Variants in BTBD9 observed in about 807,000 individuals in gnomAD.
The protein encoded by BTBD9 is BTB/POZ domain-containing protein 9.
Under a neutral mutation model 64.3 loss-of-function variants are expected in BTBD9, and 49 were observed. The observed-to-expected ratio is 0.76, with a 90% CI of 0.61 to 0.97. BTBD9 has a LOEUF of 0.97. BTBD9 is among the 50% of genes least tolerant of loss of function. BTBD9 has a pLI of 0.00. For synonymous variants in BTBD9, 260 were observed against 274.7 expected, an observed-to-expected ratio of 0.95 and a Z score of 0.53; for missense variants, 598 against 762.1, an observed-to-expected ratio of 0.78 and a Z score of 2.53.
At position 38,471,813 on chromosome 6, in the gene BTBD9, T is replaced by G. The variant is rs1419516810; in HGVS notation, c.1154+105787A>C. On this transcript the variant is annotated intron_variant, in intron 6 of 10. Transcript: ENST00000481247. ...ACTAAAATGTCATTACTTGGAATTATGTCTCTTCATTACCAAAAAGAAGAT... is the reference window on the plus strand; with the variant it reads ...ACTAAAATGTCATTACTTGGAATTAGGTCTCTTCATTACCAAAAAGAAGAT... Among the ~76,000 whole-genome samples the G allele has an allele frequency of 2.0e-5, 3 of 152,374 alleles. No individual in the cohort carries two copies. In the East Asian group the frequency reaches 5.8e-4, roughly 29 times the overall value.
intron 7 of BTBD9, among the ~76,000 whole-genome samples, chr6:38,314,918 C>G (rs1317596599): frequency 6.6e-6 from 1 of 152,138 alleles, no homozygotes; most frequent in African/African-American, 2.4e-5. Flanking sequence ...GGCGGGATCT[C>G]GGCTCACTGC....
At chr6:38,209,393 G>A (rs1021923483) in intron 9 of BTBD9, among the ~76,000 whole-genome samples, 6 of 152,216 alleles carry the variant, frequency 3.9e-5, no homozygotes, top group Admixed American at 3.9e-4. Flanking sequence ...TCCTTATACT[G>A]TTTTGTTCTT....
intron 6 of BTBD9, among the ~76,000 whole-genome samples, chr6:38,519,452 TGATA>T (rs1427103352): frequency 6.6e-6 from 1 of 152,228 alleles, no homozygotes; most frequent in Non-Finnish European, 1.5e-5. Flanking sequence ...GAAGACAGGC[TGATA>T]GATATGTGAC....
chr6:38,305,274 A>G (rs974651919), intron 7 of BTBD9, among the ~76,000 whole-genome samples: 4 of 152,188 alleles, frequency 2.6e-5, no homozygotes, highest in African/African-American at 7.2e-5. Context: ...AAATATGCCC[A>G]TGGTAGAAGA....
chr6:38,259,069 A>G (rs1582126787), intron 8 of BTBD9, among the ~76,000 whole-genome samples: 2 of 152,328 alleles, frequency 1.3e-5, no homozygotes, highest in East Asian at 3.9e-4. Context: ...TGAAAGTGTG[A>G]GGATTAAAGC....
At chr6:38,462,479 G>A (rs970513875) in intron 6 of BTBD9, among the ~76,000 whole-genome samples, 5 of 152,132 alleles carry the variant, frequency 3.3e-5, no homozygotes, top group Non-Finnish European at 5.9e-5. Flanking sequence ...TCTACCTCTA[G>A]GTTCTCTATT....
At chr6:38,227,569 T>C (rs951969256) in intron 9 of BTBD9, among the ~76,000 whole-genome samples, 3 of 152,310 alleles carry the variant, frequency 2.0e-5, no homozygotes, top group Non-Finnish European at 4.4e-5. Context: ...CAGGGCTGGC[T>C]GGCCACAGTG....
At chr6:38,622,242 A>G (rs1778010120) in intron 1 of BTBD9, among the ~76,000 whole-genome samples, 1 of 152,194 alleles carries the variant, frequency 6.6e-6, no homozygotes, top group Non-Finnish European at 1.5e-5. Context: ...TATCCCGGGG[A>G]GCACTGGCAG....
chr6:38,317,564 A>G (rs1763071288), intron 7 of BTBD9, among the ~76,000 whole-genome samples: 1 of 151,998 alleles, frequency 6.6e-6, no homozygotes, highest in Non-Finnish European at 1.5e-5. Context: ...GAAGTTCTCT[A>G]TTATCTCTTT....
chr6:38,351,891 C>T (rs894402552), intron 6 of BTBD9, among the ~76,000 whole-genome samples: 3 of 151,968 alleles, frequency 2.0e-5, no homozygotes, highest in Non-Finnish European at 2.9e-5. Context: ...CCATGATGTG[C>T]CTGATGTGCC....
chr6:38,631,429 G>C (rs1445465704), intron 1 of BTBD9, among the ~76,000 whole-genome samples: 1 of 152,176 alleles, frequency 6.6e-6, no homozygotes, highest in Non-Finnish European at 1.5e-5. Context: ...CCTGAGTATG[G>C]GCTAGACTTA....
chr6:38,453,279 A>T (rs1215457724), intron 6 of BTBD9, among the ~76,000 whole-genome samples: 1 of 152,138 alleles, frequency 6.6e-6, no homozygotes, highest in East Asian at 1.9e-4. Flanking sequence ...CAGCTATTAT[A>T]TGGGTTTCAT....
intron 7 of BTBD9, among the ~76,000 whole-genome samples, chr6:38,299,762 T>C (rs1762313748): frequency 6.6e-6 from 1 of 152,226 alleles, no homozygotes; most frequent in Non-Finnish European, 1.5e-5. Context: ...TATTAGTCCT[T>C]TGTCAGATGA....
intron 10 of BTBD9, among the ~76,000 whole-genome samples, chr6:38,178,649 G>A (rs376631976): frequency 5.3e-5 from 8 of 151,832 alleles, no homozygotes; most frequent in Non-Finnish European, 1.0e-4. Context: ...GATGGAGGAG[G>A]GGGGGACTTG....
intron 9 of BTBD9, among the ~76,000 whole-genome samples, chr6:38,253,351 A>C (rs1407088533): frequency 2.6e-5 from 4 of 152,200 alleles, no homozygotes. Context: ...GAGAAGAGTG[A>C]AGAACTTCCA....
At chr6:38,179,772 G>A in intron 10 of BTBD9, 1 of 456,768 alleles carries the variant, frequency 2.2e-6, no homozygotes, top group South Asian at 1.5e-5. Flanking sequence ...CACGGGATCA[G>A]TAATATTTCA....
At chr6:38,462,840 C>T (rs1325253378) in intron 6 of BTBD9, among the ~76,000 whole-genome samples, 1 of 152,136 alleles carries the variant, frequency 6.6e-6, no homozygotes, top group East Asian at 1.9e-4. Flanking sequence ...ACTCTGTCGC[C>T]CAGGCTGGAG....
At chr6:38,538,733 G>C (rs562205549) in intron 6 of BTBD9, among the ~76,000 whole-genome samples, 8 of 152,012 alleles carry the variant, frequency 5.3e-5, no homozygotes, top group African/African-American at 1.9e-4. Flanking sequence ...TTAGTCTCCA[G>C]AGTAGCTGGG....
intron 6 of BTBD9, among the ~76,000 whole-genome samples, chr6:38,496,229 C>A (rs1387553151): frequency 1.3e-5 from 2 of 152,012 alleles, no homozygotes; most frequent in Non-Finnish European, 2.9e-5. Context: ...GCTGTCACTG[C>A]CTTCTTTTAT....
Sources: allele counts gnomAD v4.1 joint callset (sites outside exome capture counted in the v4.1 genomes callset), GRCh38; gene constraint gnomAD v4.1.1; transcripts MANE v1.5; gene names NCBI Gene and HGNC (gene_info 2026-07-23, HGNC 2026-07-21).